Variants in POFUT2 observed in about 807,000 individuals in gnomAD.
POFUT2 encodes protein O-fucosyltransferase 2, also known as GDP-fucose protein O-fucosyltransferase 2.
A neutral mutation model predicts 55.0 loss-of-function variants in POFUT2; 30 were observed. That is an observed-to-expected ratio of 0.55 (90% CI 0.41 to 0.74). The LOEUF (loss-of-function observed/expected upper bound fraction) is 0.74, where lower values mean the gene tolerates loss of function less well. Ranked by LOEUF, POFUT2 falls within the 30% of genes least tolerant of loss-of-function variation. POFUT2 has a pLI of 0.00. For synonymous variants in POFUT2, 267 were observed against 231.1 expected (o/e 1.16, Z -1.41); for missense variants, 524 against 562.6 (o/e 0.93, Z 0.69).
rs948135303 is a variant in POFUT2, at chr21:45,284,467, C to T, written c.383-940G>A. On this transcript the variant is annotated intron_variant, in intron 2 of 8. Coordinates refer to ENST00000349485, the MANE Select transcript of POFUT2 (RefSeq NM_133635.6). This position sits in a 1 kb window ranked among gnomAD's most constrained non-coding sequence, Gnocchi z 5.8. The stretch of plus-strand genomic sequence containing the variant: ...GGCAGCCTCGCCCTAGGACAGGCAC[C>T]CAGTTCCTTCCCCACCTCACAGGCG... Among the ~76,000 whole-genome samples the T allele has an allele frequency of 7.2e-5, 11 of 152,154 alleles. No individual in the cohort carries two copies. Among genetic ancestry groups the T allele is most frequent in the Non-Finnish European group, 1.3e-4 (9 of 68,028 alleles).
At position 45,285,430 on chromosome 21, in the gene POFUT2, G is replaced by A. The variant is rs2297284; in HGVS notation, c.382+248C>T. ...GTGTAAGGGCGGCTCTAACTGAGGGGGCACAAAGCTCATCCACTTCAGGTC... is the reference window on the plus strand; with the variant it reads ...GTGTAAGGGCGGCTCTAACTGAGGGAGCACAAAGCTCATCCACTTCAGGTC... On this transcript the variant is annotated intron_variant, in intron 2 of 8. Coordinates refer to ENST00000349485, the MANE Select transcript of POFUT2 (RefSeq NM_133635.6). This position sits in a 1 kb window ranked among gnomAD's most constrained non-coding sequence, Gnocchi z 4.9. 124,547 of 521,648 alleles carry A rather than the reference G, an allele frequency of 0.24. 16,051 individuals are homozygous for A. Among genetic ancestry groups the A allele is most frequent in the South Asian group, 0.34 (19,012 of 55,372 alleles). 32.3% of individuals were successfully genotyped at this position (521,648 alleles called of 1,614,324 possible).
chr21:45,273,029 A>T (rs896277057), intron 6 of POFUT2, among the ~76,000 whole-genome samples: 3 of 152,150 alleles, frequency 2.0e-5, no homozygotes, highest in African/African-American at 7.2e-5. Flanking sequence ...GAAGAAAACC[A>T]CCAAGATGAG....
At position 45,287,841 on chromosome 21, in the gene POFUT2, G is replaced by A. The variant is rs1051597841; in HGVS notation, c.31C>T (p.Leu11=). The A allele has an allele frequency of 3.5e-6, 5 of 1,444,528 alleles. No individual in the cohort carries two copies. Among genetic ancestry groups the A allele is most frequent in the East Asian group, 2.8e-5 (1 of 35,648 alleles). The allele number at this position is 1,444,528 out of a possible 1,614,324, so 89.5% of individuals were successfully genotyped here. Residue 11 remains leucine, a synonymous_variant, in exon 1 of 9, where the codon CTG becomes TTG. Transcript: ENST00000349485. MATLSFVFLL[L]GAVSWPPASA... is the part of the protein sequence containing the mutation. ...GCCGGAGGCCAGGACACTGCCCCCA[G>A]CAGCAGGAAGACGAAGCTGAGTGTC...
rs2031232114 is a variant in POFUT2 at position 45,285,122 on chromosome 21, G to A, written c.382+556C>T. 6.3e-6 allele frequency: 1 copy of A among 157,984 alleles called. No homozygotes were observed. The allele number at this position is 157,984 out of a possible 1,614,324, so 9.8% of individuals were successfully genotyped here. A position where few individuals can be genotyped will look rare whatever the true frequency, so the allele number is the denominator to read the frequency against. Reference sequence around the variant, plus strand: ...CTCATTCGTCTTCAAGGCCTCTCAAGTGCAGCAGCAAAGCATCACTTACCT... The same window carrying A: ...CTCATTCGTCTTCAAGGCCTCTCAAATGCAGCAGCAAAGCATCACTTACCT... On this transcript the variant is annotated intron_variant, in intron 2 of 8. Transcript: ENST00000349485. The surrounding 1 kb of genome is among the most constrained non-coding windows in gnomAD (Gnocchi z 4.9).
At chr21:45,274,984 C>T (rs568477597) in intron 6 of POFUT2, among the ~76,000 whole-genome samples, 2 of 152,312 alleles carry the variant, frequency 1.3e-5, no homozygotes, top group Admixed American at 1.3e-4. Flanking sequence ...AAACAATCAG[C>T]GAACAGCTCC....
intron 8 of POFUT2, chr21:45,266,438 C>T: frequency 8.6e-7 from 1 of 1,166,036 alleles, no homozygotes; most frequent in Non-Finnish European, 1.1e-6. Context: ...GTGAGCTGGG[C>T]CGAGCGCTTC....
chr21:45,269,284 G>T (rs1743785755), intron 7 of POFUT2, among the ~76,000 whole-genome samples: 1 of 152,268 alleles, frequency 6.6e-6, no homozygotes. Context: ...CGTCTGGGAG[G>T]GGTACCCAAC....
intron 4 of POFUT2, among the ~76,000 whole-genome samples, chr21:45,278,757 G>A (rs575166244): frequency 1.3e-4 from 20 of 152,344 alleles, no homozygotes; most frequent in South Asian, 2.1e-4. Context: ...GGTGAGGTGC[G>A]TGAAGCACGT....
At chr21:45,274,583 C>A (rs916773968) in intron 6 of POFUT2, among the ~76,000 whole-genome samples, 5 of 152,180 alleles carry the variant, frequency 3.3e-5, no homozygotes, top group African/African-American at 1.2e-4. Flanking sequence ...CTATAGTTAC[C>A]AAAACAGCAT....
rs565037703 is a variant in POFUT2, at chr21:45,265,464, G to A, written c.*18C>T. ...CCCGCGCCTGTCGGGTCCGGGGAGC[G>A]GCCCTGGAGGATCCTCCTCAGTAGG... On this transcript the variant is annotated 3_prime_UTR_variant, in exon 9 of 9. Coordinates refer to ENST00000349485, the MANE Select transcript of POFUT2 (RefSeq NM_133635.6). The surrounding 1 kb of genome is among the most constrained non-coding windows in gnomAD (Gnocchi z 4.6). 64 of 1,593,090 alleles carry A rather than the reference G, an allele frequency of 4.0e-5. 1 individual carries two copies. Among genetic ancestry groups the A allele is most frequent in the Admixed American group, 1.3e-4 (7 of 55,850 alleles).
At chr21:45,268,236 C>T (rs931851284) in intron 7 of POFUT2, among the ~76,000 whole-genome samples, 11 of 152,240 alleles carry the variant, frequency 7.2e-5, no homozygotes, top group Admixed American at 2.6e-4. Context: ...CCGCCAGCCT[C>T]GGCCTCCCGA....
chr21:45,272,488 G>C (rs1316532927), intron 6 of POFUT2, among the ~76,000 whole-genome samples: 1 of 152,114 alleles, frequency 6.6e-6, no homozygotes, highest in African/African-American at 2.4e-5. Context: ...GACAGCACTG[G>C]ACAGGTCATC....
At chr21:45,275,991 C>G (rs2093259667) in intron 6 of POFUT2, among the ~76,000 whole-genome samples, 2 of 152,154 alleles carry the variant, frequency 1.3e-5, no homozygotes, top group Non-Finnish European at 2.9e-5. Context: ...GAGTTTGAGA[C>G]CAGCCTGGCC....
Position 45,284,603 on chromosome 21 carries a change from G to A in POFUT2, c.382+1075C>T, listed in dbSNP as rs2031172957. Among the ~76,000 whole-genome samples the A allele has an allele frequency of 6.6e-6, 1 of 152,170 alleles. No homozygotes were observed. Among genetic ancestry groups the A allele is most frequent in the African/African-American group, 2.4e-5 (1 of 41,430 alleles). ...CATCTGTCTTCCCAGACCTTCCCAA[G>A]CACTTGGATGCCCAAGGCCCAGACC... On this transcript the variant is annotated intron_variant, in intron 2 of 8. Coordinates refer to ENST00000349485, the MANE Select transcript of POFUT2 (RefSeq NM_133635.6). This position sits in a 1 kb window ranked among gnomAD's most constrained non-coding sequence, Gnocchi z 5.8.
intron 8 of POFUT2, chr21:45,266,756 G>T: frequency 1.0e-6 from 1 of 997,272 alleles, no homozygotes; most frequent in Non-Finnish European, 1.2e-6. Flanking sequence ...AGAGGCACCG[G>T]CTCAGGGCGC....
At position 45,265,019 on chromosome 21, in the gene POFUT2, A is replaced by G. The variant is rs928031729; in HGVS notation, c.*463T>C. On this transcript the variant is annotated 3_prime_UTR_variant, in exon 9 of 9. Transcript: ENST00000349485. This position sits in a 1 kb window ranked among gnomAD's most constrained non-coding sequence, Gnocchi z 4.6. The stretch of plus-strand genomic sequence containing the variant: ...CATGAGGCCCCTGGTCGCTCTGCAG[A>G]CATTTAAAATGACGCTTCTCCTTGC... The G allele has an allele frequency of 6.5e-6, 1 of 154,056 alleles. No individual in the cohort carries two copies. Among genetic ancestry groups the G allele is most frequent in the African/African-American group, 2.4e-5 (1 of 41,496 alleles). 9.5% of individuals were successfully genotyped at this position (154,056 alleles called of 1,614,324 possible). A position where few individuals can be genotyped will look rare whatever the true frequency, so the allele number is the denominator to read the frequency against.
At position 45,285,897 on chromosome 21, in the gene POFUT2, CT is replaced by C; in HGVS notation, c.162del (p.Gly55AlafsTer16). ...RYLLYDVNPP[E>X]GFNLRRDVYI... ...TAGACATCCCTGCGCAGGTTGAAGCCTTCCGGGGGGTTGACGTCATACAGAA... is the reference window on the plus strand; with the variant it reads ...TAGACATCCCTGCGCAGGTTGAAGCCTCCGGGGGGTTGACGTCATACAGAA... On this transcript the variant is annotated frameshift_variant, in exon 2 of 9. Transcript: ENST00000349485. LOFTEE classifies it high-confidence loss of function. The surrounding 1 kb of genome is among the most constrained non-coding windows in gnomAD (Gnocchi z 4.9). 1 of 1,611,468 alleles carries C rather than the reference CT, an allele frequency of 6.2e-7. No individual in the cohort carries two copies.
rs748326066 is a variant in POFUT2 at position 45,277,058 on chromosome 21, C to T, written c.790G>A (p.Ala264Thr). The change falls in exon 6 of 9, where the codon GCA becomes ACA. Residue 264 changes from alanine to threonine, a missense_variant. By Grantham distance (58) the Ala-to-Thr change is moderately conservative. This residue lies in a region of POFUT2 where 250 missense variants were observed against 318.2 expected (regional missense o/e 0.79). Transcript: ENST00000349485. The surrounding 1 kb of genome is among the most constrained non-coding windows in gnomAD (Gnocchi z 6.9). The stretch of plus-strand genomic sequence containing the variant: ...TCCTCCTGGAAGGGGATCCTGTCTG[C>T]GTCGTCCGTGGAGTTGAGATGTCTG... ...RSRHLNSTDD[A>T]DRIPFQEDWM... The T allele has an allele frequency of 6.2e-6, 10 of 1,613,944 alleles. No individual in the cohort carries two copies. Among genetic ancestry groups the T allele is most frequent in the African/African-American group, 5.3e-5 (4 of 74,912 alleles).
chr21:45,276,881 A>G (rs1230157312), intron 6 of POFUT2, 136 bp downstream of exon 6: 1 of 942,022 alleles, frequency 1.1e-6, no homozygotes, highest in African/African-American at 1.6e-5. Context: ...TGTGACTCAC[A>G]TTCCAGAGAG....
Sources: gnomAD v4.1 joint callset for allele counts (sites outside exome capture counted in the v4.1 genomes callset) on GRCh38, gnomAD v4.1.1 for gene constraint, gnomAD v4.1.1 regional missense constraint, Gnocchi (gnomAD v3.1) non-coding constraint, MANE v1.5 for transcripts, NCBI Gene and HGNC (gene_info 2026-07-23, HGNC 2026-07-21) for gene names.